GRIK4: variants seen among roughly 807,000 people sequenced by gnomAD.
The protein encoded by GRIK4 is glutamate ionotropic receptor kainate type subunit 4, also known as glutamate receptor ionotropic, kainate 4.
Under a neutral mutation model 104.9 loss-of-function variants are expected in GRIK4, and 40 were observed. The ratio of observed to expected loss-of-function variants is 0.38; its 90% confidence interval spans 0.30 to 0.50. GRIK4 has a LOEUF of 0.50. Among genes scored for constraint, GRIK4 ranks in the 20% least tolerant of loss-of-function variants. GRIK4 has a pLI of 0.93. For missense variants in GRIK4, 1,047 were observed against 1,308.1 expected (o/e 0.80, Z 3.08); for synonymous variants, 485 against 524.9 (o/e 0.92, Z 1.04).
intron 3 of GRIK4, among the ~76,000 whole-genome samples, chr11:120,716,995 A>G (rs1950845999): frequency 6.6e-6 from 1 of 152,186 alleles, no homozygotes; most frequent in African/African-American, 2.4e-5. Context: ...CTAGGATCCA[A>G]ATCCTTTAAA....
intron 3 of GRIK4, among the ~76,000 whole-genome samples, chr11:120,741,849 G>A (rs1481878206): frequency 6.6e-6 from 1 of 152,178 alleles, no homozygotes; most frequent in Non-Finnish European, 1.5e-5. Context: ...GCAAAGCCCA[G>A]TGGGCCCCTG....
chr11:120,941,578 C>T (rs749005428), intron 14 of GRIK4, among the ~76,000 whole-genome samples: 5 of 152,120 alleles, frequency 3.3e-5, no homozygotes, highest in Non-Finnish European at 5.9e-5. Context: ...TGCAGATGTA[C>T]TCAAGTGAAG....
At chr11:120,710,523 C>G (rs763456067) in intron 3 of GRIK4, among the ~76,000 whole-genome samples, 1 of 152,204 alleles carries the variant, frequency 6.6e-6, no homozygotes, top group East Asian at 1.9e-4. Context: ...ACGGCCCCCC[C>G]ATTCCAGCTG....
intron 3 of GRIK4, among the ~76,000 whole-genome samples, chr11:120,774,302 C>T (rs1951999433): frequency 6.6e-6 from 1 of 152,064 alleles, no homozygotes; most frequent in Non-Finnish European, 1.5e-5. Context: ...TATTAGGGTT[C>T]TTTAGAGAAA....
At chr11:120,824,631 C>A (rs1402765008) in intron 6 of GRIK4, among the ~76,000 whole-genome samples, 13 of 145,594 alleles carry the variant, frequency 8.9e-5, no homozygotes, top group Non-Finnish European at 1.5e-4. Flanking sequence ...CTCACTGCAA[C>A]CTTCATCTCT....
intron 1 of GRIK4, among the ~76,000 whole-genome samples, chr11:120,628,543 A>G (rs1368130552): frequency 6.6e-6 from 1 of 152,174 alleles, no homozygotes; most frequent in Non-Finnish European, 1.5e-5. Context: ...GGCCCTCCTG[A>G]CAACATGCGC....
At chr11:120,685,980 G>C (rs1274160455) in intron 3 of GRIK4, among the ~76,000 whole-genome samples, 2 of 152,100 alleles carry the variant, frequency 1.3e-5, no homozygotes, top group Non-Finnish European at 2.9e-5. Context: ...AACATGTGTT[G>C]ATCTACTTAG....
intron 13 of GRIK4, among the ~76,000 whole-genome samples, chr11:120,911,672 T>A (rs1168202396): frequency 2.0e-5 from 3 of 149,874 alleles, no homozygotes; most frequent in African/African-American, 7.3e-5. Context: ...TGAAACCCCG[T>A]CTCTACTAAA....
chr11:120,582,688 T>G (rs1948603511), intron 1 of GRIK4, among the ~76,000 whole-genome samples: 1 of 152,230 alleles, frequency 6.6e-6, no homozygotes, highest in Non-Finnish European at 1.5e-5. Context: ...GGACATTACC[T>G]TGTTCTTTTT....
intron 13 of GRIK4, among the ~76,000 whole-genome samples, chr11:120,919,153 A>C (rs1466755764): frequency 6.6e-6 from 1 of 152,210 alleles, no homozygotes; most frequent in African/African-American, 2.4e-5. Context: ...TTGACAGGCG[A>C]CAAGGAGGAG....
intron 7 of GRIK4, among the ~76,000 whole-genome samples, chr11:120,834,903 G>A (rs750726088): frequency 3.9e-5 from 6 of 152,220 alleles, no homozygotes; most frequent in Admixed American, 6.5e-5. Flanking sequence ...CCAGCCTGTC[G>A]CTGTAAGCAG....
intron 3 of GRIK4, among the ~76,000 whole-genome samples, chr11:120,787,145 C>CT (rs548207852): frequency 1.5e-3 from 129 of 85,744 alleles, no homozygotes; most frequent in African/African-American, 5.1e-3. Context: ...TAGTAGGACT[C>CT]TTTTTTTTTT....
At chr11:120,803,408 G>T (rs1185325069) in intron 4 of GRIK4, among the ~76,000 whole-genome samples, 2 of 152,058 alleles carry the variant, frequency 1.3e-5, no homozygotes, top group Admixed American at 6.6e-5. Context: ...TGCAAATCTT[G>T]CAGGTTGTTA....
intron 3 of GRIK4, among the ~76,000 whole-genome samples, chr11:120,727,165 G>C (rs902213315): frequency 6.6e-6 from 1 of 152,178 alleles, no homozygotes; most frequent in Non-Finnish European, 1.5e-5. Flanking sequence ...GTAGGTATGT[G>C]CAACAAGTCC....
intron 3 of GRIK4, among the ~76,000 whole-genome samples, chr11:120,683,173 A>G (rs374713855): frequency 1.3e-5 from 2 of 152,196 alleles, no homozygotes; most frequent in African/African-American, 4.8e-5. Flanking sequence ...ATGAGTGTAA[A>G]GCTAAAAAAA....
chr11:120,768,500 A>G (rs1483492963), intron 3 of GRIK4, among the ~76,000 whole-genome samples: 2 of 152,092 alleles, frequency 1.3e-5, no homozygotes, highest in Non-Finnish European at 2.9e-5. Context: ...GTAAGTAAAG[A>G]TCATTTGAAT....
intron 3 of GRIK4, among the ~76,000 whole-genome samples, chr11:120,709,246 C>A (rs180932868): frequency 6.6e-6 from 1 of 151,812 alleles, no homozygotes; most frequent in African/African-American, 2.4e-5. Flanking sequence ...CTTGTCCCTA[C>A]CCTCATCTAG....
chr11:120,952,880 T>C lies in GRIK4; in HGVS notation c.1616T>C (p.Phe539Ser). 2 of 1,613,816 alleles carry C rather than the reference T, an allele frequency of 1.2e-6. No homozygotes were observed. The highest frequency in any genetic ancestry group is 1.7e-6 in the Non-Finnish European group (2 of 1,179,764). ...GGACGCAAACCCGGCTATTTCTCCT[T>C]CCTGGACCCATTTTCTCCGGGCGTC... The part of the protein sequence containing the change: ...HMGRKPGYFS[F>S]LDPFSPGVWL... The change falls in exon 15 of 21, where the codon TTC (phenylalanine) becomes TCC (serine). Residue 539 changes from phenylalanine (F) to serine (S), a missense_variant. This residue lies in a region of GRIK4 where 440 missense variants were observed against 652.3 expected (regional missense o/e 0.67). Transcript: ENST00000527524. This position sits in a 1 kb window ranked among gnomAD's most constrained non-coding sequence, Gnocchi z 5.2.
chr11:120,589,864 C>T (rs1948714101), intron 1 of GRIK4, among the ~76,000 whole-genome samples: 1 of 152,200 alleles, frequency 6.6e-6, no homozygotes, highest in African/African-American at 2.4e-5. Context: ...CATTTTCACA[C>T]TTCTTTATCC....
Sources: gnomAD v4.1 joint callset for allele counts (sites outside exome capture counted in the v4.1 genomes callset) on GRCh38, gnomAD v4.1.1 for gene constraint, gnomAD v4.1.1 regional missense constraint, Gnocchi (gnomAD v3.1) non-coding constraint, MANE v1.5 for transcripts, NCBI Gene and HGNC (gene_info 2026-07-23, HGNC 2026-07-21) for gene names.